Variants in MYO5B observed in about 807,000 individuals in gnomAD.
The protein encoded by MYO5B is unconventional myosin-Vb.
A neutral mutation model predicts 229.3 loss-of-function variants in MYO5B; 143 were observed. The observed-to-expected ratio is 0.62, with a 90% CI of 0.54 to 0.72. The LOEUF is 0.72. Among genes scored for constraint, MYO5B ranks in the 30% least tolerant of loss-of-function variants. The pLI is 0.00. For missense variants in MYO5B, 2,321 were observed against 2,331.0 expected (o/e 1.00, Z 0.09); for synonymous variants, 918 against 885.2 (o/e 1.04, Z -0.66).
chr18:49,987,538 A>T (rs2025884134), intron 7 of MYO5B, among the ~76,000 whole-genome samples: 1 of 152,112 alleles, frequency 6.6e-6, no homozygotes, highest in Non-Finnish European at 1.5e-5. Context: ...CAAACCTCCT[A>T]TTAACTAGTT....
intron 1 of MYO5B, among the ~76,000 whole-genome samples, chr18:50,124,931 AT>A (rs1462562716): frequency 8.9e-6 from 1 of 112,602 alleles, no homozygotes. Flanking sequence ...GCAAGGATCA[AT>A]AAAGAGACTA....
At chr18:49,995,331 T>G (rs2144317470) in intron 5 of MYO5B, among the ~76,000 whole-genome samples, 1 of 148,088 alleles carries the variant, frequency 6.8e-6, no homozygotes, top group East Asian at 2.0e-4. Flanking sequence ...CTCGGCTCAC[T>G]GCAAGCTCTG....
At chr18:49,844,065 T>A (rs1345877210) in intron 33 of MYO5B, among the ~76,000 whole-genome samples, 1 of 152,146 alleles carries the variant, frequency 6.6e-6, no homozygotes, top group Non-Finnish European at 1.5e-5. Context: ...CTCCTCTGTA[T>A]CCCACACTCC....
At chr18:49,921,265 T>G (rs941640736) in intron 17 of MYO5B, among the ~76,000 whole-genome samples, 19 of 150,132 alleles carry the variant, frequency 1.3e-4, no homozygotes, top group Non-Finnish European at 2.2e-4. Flanking sequence ...AGTTTTTTTT[T>G]TTTTTTTTTT....
intron 39 of MYO5B, among the ~76,000 whole-genome samples, chr18:49,832,982 T>C (rs2023941245): frequency 6.6e-6 from 1 of 152,062 alleles, no homozygotes; most frequent in African/African-American, 2.4e-5. Flanking sequence ...GTATGTAAAA[T>C]GTGAAATGGC....
intron 1 of MYO5B, among the ~76,000 whole-genome samples, chr18:50,059,490 A>G (rs981846195): frequency 6.6e-6 from 1 of 152,226 alleles, no homozygotes; most frequent in East Asian, 1.9e-4. Context: ...AAATTCTTCC[A>G]TGATGTTGAA....
At chr18:50,163,984 A>AAT (rs1161621286) in intron 1 of MYO5B, among the ~76,000 whole-genome samples, 1 of 150,432 alleles carries the variant, frequency 6.6e-6, no homozygotes, top group South Asian at 2.1e-4. Flanking sequence ...TTAAAAGAAA[A>AAT]ATATCAAAAA....
chr18:50,159,538 G>A (rs1240686396), intron 1 of MYO5B, among the ~76,000 whole-genome samples: 1 of 152,118 alleles, frequency 6.6e-6, no homozygotes, highest in Non-Finnish European at 1.5e-5. Flanking sequence ...AGCTCCAGGT[G>A]CTCTGCAGCC....
intron 1 of MYO5B, among the ~76,000 whole-genome samples, chr18:50,172,537 C>T (rs2032934686): frequency 6.6e-6 from 1 of 152,210 alleles, no homozygotes; most frequent in African/African-American, 2.4e-5. Flanking sequence ...ATGACTCTCC[C>T]TCAATGATAC....
chr18:49,914,775 CAA>C (rs5824810), intron 17 of MYO5B, among the ~76,000 whole-genome samples: 127 of 106,110 alleles, frequency 1.2e-3, no homozygotes, highest in Non-Finnish European at 1.5e-3. Context: ...GACCTTGTCT[CAA>C]AAAAAAAAAA....
intron 1 of MYO5B, among the ~76,000 whole-genome samples, chr18:50,148,265 A>G (rs369811669): frequency 6.7e-6 from 1 of 149,598 alleles, no homozygotes; most frequent in Non-Finnish European, 1.5e-5. Flanking sequence ...ACAAGGAGGA[A>G]CTGGTACCAT....
intron 14 of MYO5B, among the ~76,000 whole-genome samples, chr18:49,952,865 C>T (rs983057695): frequency 2.6e-5 from 4 of 151,850 alleles, no homozygotes; most frequent in African/African-American, 9.7e-5. Flanking sequence ...TTTAAATAAT[C>T]TTACATCTGC....
At chr18:49,918,480 G>A (rs1289816613) in intron 17 of MYO5B, among the ~76,000 whole-genome samples, 4 of 152,220 alleles carry the variant, frequency 2.6e-5, no homozygotes, top group South Asian at 4.1e-4. Flanking sequence ...GAGCTCTTCC[G>A]GTCAGAATTA....
At chr18:49,866,700 A>G (rs1487741652) in intron 27 of MYO5B, among the ~76,000 whole-genome samples, 1 of 152,226 alleles carries the variant, frequency 6.6e-6, no homozygotes, top group Admixed American at 6.5e-5. Context: ...AATCTTCATC[A>G]TCTGCCTTCT....
chr18:49,878,897 C>G, intron 24 of MYO5B, 48 bp downstream of exon 24: 1 of 1,610,898 alleles, frequency 6.2e-7, no homozygotes, highest in Non-Finnish European at 8.5e-7. Flanking sequence ...AGAAGCTGGA[C>G]AGGAGCCAGG....
chr18:49,853,375 A>G (rs2024224000), intron 31 of MYO5B, 74 bp downstream of exon 31: 1 of 1,544,898 alleles, frequency 6.5e-7, no homozygotes, highest in African/African-American at 1.4e-5. Flanking sequence ...AGTTTTGCCA[A>G]AGGCAACCCC....
Position 49,962,318 on chromosome 18 carries a change from T to A in MYO5B, c.1493A>T (p.Asp498Val). The A allele has an allele frequency of 6.2e-7, 1 of 1,614,186 alleles. No homozygotes were observed. The highest frequency in any genetic ancestry group is 8.5e-7 in the Non-Finnish European group (1 of 1,180,028). Residue 498 changes from aspartate to valine, a missense_variant, in exon 12 of 40, where the codon GAC (aspartate) becomes GTC (valine). Physicochemically the swap from Asp to Val is radical, Grantham distance 152. This residue lies in a region of MYO5B where 2,113 missense variants were observed against 2,044.7 expected (regional missense o/e 1.03). Coordinates refer to ENST00000285039, the MANE Select transcript of MYO5B (RefSeq NM_001080467.3). ...IDFYDNQPCI[D>V]LIEAKLGILD... ...GATACCCAGCTTGGCTTCAATGAGG[T>A]CGATACAAGGTTGGTTATCATAAAA...
rs1308855707 is a variant in MYO5B, at chr18:50,183,323, A to ATAATATATATATAATATATATATAT, written c.27+11443_27+11444insATATATATATATTATATATATATTA. Among the ~76,000 whole-genome samples, 47 of 138,848 alleles carry ATAATATATATATAATATATATATAT rather than the reference A, an allele frequency of 3.4e-4. 1 individual carries two copies. The highest frequency in any genetic ancestry group is 1.3e-3 in the African/African-American group (45 of 34,848). The allele number at this position is 138,848 out of a possible 152,430, so 91.1% of individuals were successfully genotyped here. On this transcript the variant is annotated intron_variant, in intron 1 of 39. Coordinates refer to ENST00000285039, the MANE Select transcript of MYO5B (RefSeq NM_001080467.3). ...AATTTTATCATATATATATATATATATATATATATATATATCTCCTTCAAT... is the reference window on the plus strand; with the variant it reads ...AATTTTATCATATATATATATATATATAATATATATATAATATATATATATTATATATATATATATCTCCTTCAAT...
At chr18:50,100,433 C>CA (rs937813045) in intron 1 of MYO5B, among the ~76,000 whole-genome samples, 3 of 152,178 alleles carry the variant, frequency 2.0e-5, no homozygotes, top group Non-Finnish European at 4.4e-5. Flanking sequence ...TCAACAGACC[C>CA]ACTGACCACA....
Sources: allele counts gnomAD v4.1 joint callset (sites outside exome capture counted in the v4.1 genomes callset), GRCh38; gene constraint gnomAD v4.1.1; regional missense constraint gnomAD v4.1.1; transcripts MANE v1.5; gene names NCBI Gene and HGNC (gene_info 2026-07-23, HGNC 2026-07-21).